FAT3: variants seen among roughly 807,000 people sequenced by gnomAD.
FAT3 encodes the protein protocadherin Fat 3.
In FAT3, 95 loss-of-function variants were observed where a neutral mutation model predicts 310.2. The ratio of observed to expected loss-of-function variants is 0.31; its 90% confidence interval spans 0.26 to 0.36. The LOEUF is 0.36. FAT3 is among the 10% of genes least tolerant of loss of function. The probability of loss-of-function intolerance (pLI) is 1.00; values close to 1 mark genes in which losing one functional copy is unlikely to be tolerated. For synonymous variants in FAT3, 2,314 were observed against 2,192.9 expected, an observed-to-expected ratio of 1.06 and a Z score of -1.54; for missense variants, 5,408 against 5,715.6, an observed-to-expected ratio of 0.95 and a Z score of 1.74.
chr11:92,857,452 T>C (rs1949009857), intron 20 of FAT3, 104 bp downstream of exon 20: 1 of 1,484,894 alleles, frequency 6.7e-7, no homozygotes, highest in Non-Finnish European at 9.2e-7. Flanking sequence ...CGTTTCTTTA[T>C]GCATGCAACC....
At chr11:92,415,193 T>C (rs181768983) in intron 2 of FAT3, among the ~76,000 whole-genome samples, 176 of 152,326 alleles carry the variant, frequency 1.2e-3, no homozygotes, top group African/African-American at 3.9e-3. Flanking sequence ...ATAGCCATGG[T>C]GCTTGTTTAA....
intron 1 of FAT3, among the ~76,000 whole-genome samples, chr11:92,321,483 T>G (rs541900871): frequency 6.6e-6 from 1 of 152,132 alleles, no homozygotes; most frequent in African/African-American, 2.4e-5. Context: ...GTACTCTAGA[T>G]TATTAATTTA....
At chr11:92,418,412 G>C (rs992385644) in intron 2 of FAT3, among the ~76,000 whole-genome samples, 2 of 105,474 alleles carry the variant, frequency 1.9e-5, no homozygotes, top group African/African-American at 3.0e-5. Flanking sequence ...CAGTGCAAAA[G>C]TTAAACACCC....
At chr11:92,323,741 T>C (rs1947689391) in intron 1 of FAT3, among the ~76,000 whole-genome samples, 1 of 152,150 alleles carries the variant, frequency 6.6e-6, no homozygotes. Context: ...CCCTAGATTT[T>C]CAGAATGGTA....
chr11:92,755,444 G>A (rs781585133), intron 4 of FAT3, among the ~76,000 whole-genome samples: 2 of 151,976 alleles, frequency 1.3e-5, no homozygotes, highest in Admixed American at 6.6e-5. Flanking sequence ...GCCTGGTATC[G>A]AACTCCTGAC....
At chr11:92,371,980 G>C (rs1387582794) in intron 2 of FAT3, among the ~76,000 whole-genome samples, 1 of 152,158 alleles carries the variant, frequency 6.6e-6, no homozygotes, top group Non-Finnish European at 1.5e-5. Context: ...TTTTAAGTTG[G>C]TCACAGCTTC....
At chr11:92,579,617 C>T (rs1402865924) in intron 3 of FAT3, among the ~76,000 whole-genome samples, 8 of 151,982 alleles carry the variant, frequency 5.3e-5, no homozygotes, top group Non-Finnish European at 8.8e-5. Flanking sequence ...AGAAGGGCTC[C>T]TTTATTTCAG....
At chr11:92,649,342 T>G (rs772153454) in intron 3 of FAT3, among the ~76,000 whole-genome samples, 1 of 152,202 alleles carries the variant, frequency 6.6e-6, no homozygotes, top group Non-Finnish European at 1.5e-5. Context: ...GGTTTTATGA[T>G]TTAAAGAATT....
At chr11:92,743,246 C>G (rs1237177998) in intron 4 of FAT3, among the ~76,000 whole-genome samples, 4 of 152,122 alleles carry the variant, frequency 2.6e-5, no homozygotes, top group Non-Finnish European at 5.9e-5. Context: ...TTAAGGGGAG[C>G]ACCTTGTGGC....
At chr11:92,392,301 G>A (rs1949768478) in intron 2 of FAT3, among the ~76,000 whole-genome samples, 1 of 152,014 alleles carries the variant, frequency 6.6e-6, no homozygotes, top group Non-Finnish European at 1.5e-5. Flanking sequence ...GATAAAAATA[G>A]CTATCAATTA....
chr11:92,765,037 A>G lies in FAT3; in HGVS notation c.4143A>G (p.Val1381=). 2.5e-6 allele frequency: 4 copies of G among 1,613,740 alleles called. No individual in the cohort carries two copies. Among genetic ancestry groups the G allele is most frequent in the Non-Finnish European group, 3.4e-6 (4 of 1,179,826 alleles). ...VMESDRVTEI[V]GVVSVQPANT... ...AAAGTGATAGAGTGACTGAAATTGT[A>G]GGGGTGGTGTCTGTGCAGCCAGCTA... Residue 1381 remains valine (V), a synonymous_variant, in exon 6 of 28, where the codon GTA becomes GTG. Coordinates refer to ENST00000525166, the MANE Select transcript of FAT3 (RefSeq NM_001367949.2).
chr11:92,811,358 T>A (rs576319523), intron 13 of FAT3, among the ~76,000 whole-genome samples: 4 of 152,298 alleles, frequency 2.6e-5, no homozygotes, highest in Admixed American at 1.3e-4. Flanking sequence ...ATAGATGATA[T>A]TTTAAAAGCT....
At chr11:92,385,722 A>G (rs1949604421) in intron 2 of FAT3, among the ~76,000 whole-genome samples, 2 of 152,148 alleles carry the variant, frequency 1.3e-5, no homozygotes, top group Admixed American at 1.3e-4. Context: ...ATCTGTTTTT[A>G]CATTTTCATT....
intron 1 of FAT3, among the ~76,000 whole-genome samples, chr11:92,257,375 G>A (rs569938410): frequency 2.0e-5 from 3 of 152,164 alleles, no homozygotes; most frequent in Non-Finnish European, 4.4e-5. Flanking sequence ...AAGTAGCTGT[G>A]GGGGAGATGA....
intron 1 of FAT3, among the ~76,000 whole-genome samples, chr11:92,283,942 A>G (rs1946497267): frequency 6.6e-6 from 1 of 152,130 alleles, no homozygotes; most frequent in African/African-American, 2.4e-5. Flanking sequence ...TTGGGACACA[A>G]AAGAATTCTG....
intron 3 of FAT3, among the ~76,000 whole-genome samples, chr11:92,691,234 A>T (rs974361537): frequency 6.6e-6 from 1 of 152,060 alleles, no homozygotes; most frequent in Non-Finnish European, 1.5e-5. Context: ...AAGGAATATG[A>T]TTTCCTGTGA....
At chr11:92,397,528 C>T (rs1055171521) in intron 2 of FAT3, among the ~76,000 whole-genome samples, 1 of 152,122 alleles carries the variant, frequency 6.6e-6, no homozygotes, top group Non-Finnish European at 1.5e-5. Flanking sequence ...TTTACTTATG[C>T]AAAGTGGATT....
chr11:92,618,484 T>A (rs1293677508), intron 3 of FAT3, among the ~76,000 whole-genome samples: 1 of 152,186 alleles, frequency 6.6e-6, no homozygotes, highest in Admixed American at 6.5e-5. Context: ...CTGCACCCAC[T>A]GTCCGACAAG....
At chr11:92,377,480 G>C (rs531543832) in intron 2 of FAT3, among the ~76,000 whole-genome samples, 1 of 152,196 alleles carries the variant, frequency 6.6e-6, no homozygotes. Context: ...AAGTTTTCTA[G>C]CTGATATTCC....
Sources: gnomAD v4.1 joint callset for allele counts (sites outside exome capture counted in the v4.1 genomes callset) on GRCh38, gnomAD v4.1.1 for gene constraint, MANE v1.5 for transcripts, NCBI Gene and HGNC (gene_info 2026-07-23, HGNC 2026-07-21) for gene names.